Variants in PTCH1 observed in about 807,000 individuals in gnomAD.
PTCH1 encodes protein patched homolog 1.
A neutral mutation model predicts 144.6 loss-of-function variants in PTCH1; 14 were observed. That is an observed-to-expected ratio of 0.10 (90% confidence interval 0.06 to 0.15). The LOEUF (loss-of-function observed/expected upper bound fraction) is 0.15, where lower values mean the gene tolerates loss of function less well. Among genes scored for constraint, PTCH1 ranks in the 10% least tolerant of loss-of-function variants. PTCH1 has a pLI of 1.00. For synonymous variants in PTCH1, 833 were observed against 793.6 expected (o/e 1.05, Z -0.83); for missense variants, 1,623 against 1,948.3 (o/e 0.83, Z 3.14).
Position 95,446,371 on chromosome 9 carries a change from T to C in PTCH1, c.*22A>G, listed in dbSNP as rs1047136355. ...GGGGGGTTTCCAATCTTTGGCCTCT[T>C]TGCTTCAGATTTTAATCACCCTTTA... On this transcript the variant is annotated 3_prime_UTR_variant, in exon 24 of 24. Transcript: ENST00000331920. The C allele has an allele frequency of 1.9e-6, 1 of 518,706 alleles. No homozygotes were observed. The highest frequency in any genetic ancestry group is 3.8e-6 in the Non-Finnish European group (1 of 259,800). 32.1% of individuals were successfully genotyped at this position (518,706 alleles called of 1,614,324 possible).
At position 95,508,899 on chromosome 9, in the gene PTCH1, G is replaced by C. The variant is rs1843978914; in HGVS notation, c.-538C>G. The C allele has an allele frequency of 1.1e-6, 1 of 893,378 alleles. No homozygotes were observed. The highest frequency in any genetic ancestry group is 6.2e-5 in the Admixed American group (1 of 16,034). 55.3% of individuals were successfully genotyped at this position (893,378 alleles called of 1,614,324 possible). ...CAGAGCCGCCGCCGCCGCGGGGTCC[G>C]AGGGTGCCCGGCGGGTCTCAGCGCT... On this transcript the variant is annotated 5_prime_UTR_variant, in exon 1 of 24. Coordinates refer to ENST00000331920, the MANE Select transcript of PTCH1 (RefSeq NM_000264.5).
At chr9:95,448,457 G>A (rs1207301301) in intron 22 of PTCH1, among the ~76,000 whole-genome samples, 1 of 152,130 alleles carries the variant, frequency 6.6e-6, no homozygotes. Flanking sequence ...AGCCTCCGAG[G>A]AGGGGCTCCC....
chr9:95,470,631 T>C (rs1470467298), intron 12 of PTCH1, among the ~76,000 whole-genome samples: 1 of 151,946 alleles, frequency 6.6e-6, no homozygotes, highest in African/African-American at 2.4e-5. Flanking sequence ...GCTGACCTAG[T>C]AAAAATTACA....
rs1554688167 is a variant in PTCH1 at position 95,447,056 on chromosome 9, G to A, written c.4200C>T (p.Gly1400=). 1 of 1,614,162 alleles carries A rather than the reference G, an allele frequency of 6.2e-7. No homozygotes were observed. The highest frequency in any genetic ancestry group is 1.7e-5 in the Admixed American group (1 of 60,032). ...GRNPRGGLCP[G]YPETDHGLFE... is the part of the protein sequence containing the mutation. The stretch of plus-strand genomic sequence containing the variant: ...ACAGGCCGTGGTCAGTCTCAGGGTA[G>A]CCTGGGCAGAGTCCCCCTCGGGGGT... The change falls in exon 23 of 24, where the codon GGC becomes GGT. Residue 1400 remains glycine (G), a synonymous_variant. Transcript: ENST00000331920.
intron 19 of PTCH1, 98 bp from the exon 20 acceptor site, chr9:95,453,718 A>C (rs1838675373): frequency 1.7e-5 from 26 of 1,517,452 alleles, no homozygotes; most frequent in Non-Finnish European, 2.2e-5. Context: ...AACTGCTCAC[A>C]TCTTACTGTT....
chr9:95,508,180 G>C lies in PTCH1; in HGVS notation c.182C>G (p.Ala61Gly), dbSNP rs1296707371. 1 of 1,612,626 alleles carries C rather than the reference G, an allele frequency of 6.2e-7. No homozygotes were observed. Among genetic ancestry groups the C allele is most frequent in the Non-Finnish European group, 8.5e-7 (1 of 1,179,786 alleles). Residue 61 changes from alanine (A) to glycine (G), a missense_variant, in exon 1 of 24, where the codon GCT (alanine) becomes GGT (glycine). Coordinates refer to ENST00000331920, the MANE Select transcript of PTCH1 (RefSeq NM_000264.5). ...HRPSYCDAAF[A>G]LEQISKGKAT... The stretch of plus-strand genomic sequence containing the variant: ...ATGCACCTTGGAAATCTGCTCCAGA[G>C]CGAAGGCGGCGTCGCAGTAGCTGGG...
chr9:95,502,894 C>G (rs562738556), intron 2 of PTCH1, among the ~76,000 whole-genome samples: 4 of 152,236 alleles, frequency 2.6e-5, no homozygotes, highest in African/African-American at 9.6e-5. Context: ...CGAGTGGATC[C>G]CTTTAATTTG....
At chr9:95,460,106 GA>G (rs962571992) in intron 16 of PTCH1, among the ~76,000 whole-genome samples, 3 of 152,216 alleles carry the variant, frequency 2.0e-5, no homozygotes, top group Admixed American at 2.0e-4. Flanking sequence ...ATATTTATAG[GA>G]GGGGAAGGGG....
At position 95,449,014 on chromosome 9, in the gene PTCH1, A is replaced by T; in HGVS notation, c.3804+55T>A. On this transcript the variant is annotated intron_variant, in intron 22 of 23. Transcript: ENST00000331920. The surrounding 1 kb of genome is among the most constrained non-coding windows in gnomAD (Gnocchi z 5.3). ...AGACAGGAGCCCCCGCTGGACCTCCAGGCCCACTACCACGGTGGGAAGACC... is the reference window on the plus strand; with the variant it reads ...AGACAGGAGCCCCCGCTGGACCTCCTGGCCCACTACCACGGTGGGAAGACC... 6.2e-7 allele frequency: 1 copy of T among 1,609,592 alleles called. No individual in the cohort carries two copies. Among genetic ancestry groups the T allele is most frequent in the South Asian group, 1.1e-5 (1 of 90,876 alleles).
chr9:95,461,764 A>G, intron 16 of PTCH1, 92 bp downstream of exon 16: 1 of 1,553,996 alleles, frequency 6.4e-7, no homozygotes, highest in South Asian at 1.1e-5. Flanking sequence ...TCCAGAGAGC[A>G]CAGGGTGGGG....
Position 95,469,085 on chromosome 9 carries a change from T to C in PTCH1, c.1916A>G (p.Tyr639Cys), listed in dbSNP as rs2118054380. The C allele has an allele frequency of 6.2e-7, 1 of 1,613,954 alleles. No homozygotes were observed. The highest frequency in any genetic ancestry group is 8.5e-7 in the Non-Finnish European group (1 of 1,179,998). ...GCTGCTGTAGGGAGGTGGGGGGCTG[T>C]AGCGGGTATTGTCGTGTGTGTCGGT... ...AYTDTHDNTR[Y>C]SPPPPYSSHS... The change falls in exon 14 of 24, where the codon TAC becomes TGC. Residue 639 changes from tyrosine (Y) to cysteine (C), a missense_variant. Around this residue, in one of 7 missense-constraint regions of PTCH1, gnomAD observed 179 missense variants for 165.7 expected, o/e 1.08. Coordinates refer to ENST00000331920, the MANE Select transcript of PTCH1 (RefSeq NM_000264.5).
intron 2 of PTCH1, chr9:95,494,126 G>A (rs1315170116): frequency 4.7e-6 from 4 of 849,388 alleles, no homozygotes; most frequent in African/African-American, 3.7e-5. Context: ...CAGGTAGTGC[G>A]CAGGCGCTCG....
Position 95,453,767 on chromosome 9 carries a change from C to T in PTCH1, c.3307-147G>A, listed in dbSNP as rs564635492. ...TGTGTAATCAGAGTAGCTCAACTAG[C>T]AGCACCTAGACTTAAACTAAGATGA... is the stretch of plus-strand genomic sequence containing the variant. On this transcript the variant is annotated intron_variant, in intron 19 of 23. Transcript: ENST00000331920. The T allele has an allele frequency of 5.5e-5, 59 of 1,075,216 alleles. No individual in the cohort carries two copies. The African/African-American group carries it at 8.8e-4, about 16-fold the overall frequency. 66.6% of individuals were successfully genotyped at this position (1,075,216 alleles called of 1,614,324 possible). A position where few individuals can be genotyped will look rare whatever the true frequency, so the allele number is the denominator to read the frequency against.
rs2136574479 is a variant in PTCH1 at position 95,447,093 on chromosome 9, C to T, written c.4163G>A (p.Gly1388Glu). Residue 1388 changes from glycine (G) to glutamate (E), a missense_variant, in exon 23 of 24, where the codon GGG (glycine) becomes GAG (glutamate). By Grantham distance (98) the Gly-to-Glu change is moderately conservative. Transcript: ENST00000331920. ...TVAVHPPPVP[G>E]PGRNPRGGLC... ...TCCCCCTCGGGGGTTCCGCCCAGGC[C>T]CAGGGACAGGCGGCGGGTGCACGGC... 1 of 1,613,864 alleles carries T rather than the reference C, an allele frequency of 6.2e-7. No homozygotes were observed. Among genetic ancestry groups the T allele is most frequent in the African/African-American group, 1.3e-5 (1 of 75,054 alleles).
chr9:95,447,991 G>T (rs532907327), intron 22 of PTCH1, among the ~76,000 whole-genome samples: 1 of 152,214 alleles, frequency 6.6e-6, no homozygotes, highest in East Asian at 1.9e-4. Context: ...ACGTGTGGCC[G>T]GTGGCTCCCA....
intron 2 of PTCH1, among the ~76,000 whole-genome samples, chr9:95,498,729 G>T (rs549372616): frequency 1.6e-3 from 251 of 152,298 alleles, no homozygotes; most frequent in African/African-American, 5.6e-3. Flanking sequence ...GAAAGTAACA[G>T]AAGTGTTTAT....
chr9:95,478,337 A>G (rs1470995264), intron 8 of PTCH1, 151 bp from the exon 9 acceptor site: 19 of 1,245,970 alleles, frequency 1.5e-5, no homozygotes, highest in Non-Finnish European at 2.2e-5. Context: ...CAGGGAGAGA[A>G]GCTGAAGTTG....
intron 2 of PTCH1, 154 bp downstream of exon 2, chr9:95,506,253 C>T: frequency 1.1e-6 from 1 of 910,204 alleles, no homozygotes; most frequent in Non-Finnish European, 1.6e-6. Context: ...GGCCTGGCTC[C>T]CGGCCAGGCG....
Position 95,453,991 on chromosome 9 carries a change from T to C in PTCH1, c.3307-371A>G, listed in dbSNP as rs73540200. On this transcript the variant is annotated intron_variant, in intron 19 of 23. Transcript: ENST00000331920. ...ACAGCACAGGATTCTGGCTAATGCA[T>C]TGGATGGCTAAGAGCTTAGCTCAGT... Among the ~76,000 whole-genome samples the C allele has an allele frequency of 8.1e-3, 1,241 of 152,330 alleles. 15 individuals are homozygous for C. Among genetic ancestry groups the C allele is most frequent in the African/African-American group, 0.028 (1,146 of 41,572 alleles).
Sources: allele counts gnomAD v4.1 joint callset (sites outside exome capture counted in the v4.1 genomes callset), GRCh38; gene constraint gnomAD v4.1.1; regional missense constraint gnomAD v4.1.1; non-coding constraint Gnocchi (gnomAD v3.1); transcripts MANE v1.5; gene names NCBI Gene and HGNC (gene_info 2026-07-23, HGNC 2026-07-21).